PLAC1: variants seen among roughly 807,000 people sequenced by gnomAD.
The protein encoded by PLAC1 is placenta-specific protein 1.
For synonymous variants in PLAC1, 68 were observed against 62.1 expected, an observed-to-expected ratio of 1.09 and a Z score of -0.44; for missense variants, 136 against 163.2, an observed-to-expected ratio of 0.83 and a Z score of 0.91.
At chrX:134,597,233 C>T (rs1267242090) in intron 2 of PLAC1, among the ~76,000 whole-genome samples, 3 of 111,432 alleles carry the variant, frequency 2.7e-5, no homozygotes, top group Non-Finnish European at 5.7e-5. Context: ...TACTCAAGTT[C>T]ACCGATTTTT....
chrX:134,639,733 T>C (rs1394250257), intron 1 of PLAC1, among the ~76,000 whole-genome samples: 3 of 111,661 alleles, frequency 2.7e-5, no homozygotes, highest in Non-Finnish European at 5.6e-5. Context: ...AGCAGATTCT[T>C]CTCATTTCTC....
intron 1 of PLAC1, among the ~76,000 whole-genome samples, chrX:134,656,614 G>C (rs926825226): frequency 4.5e-5 from 5 of 111,103 alleles, no homozygotes; most frequent in African/African-American, 1.6e-4. Flanking sequence ...AGATGCGGTT[G>C]TGCTCTGTCC....
chrX:134,714,686 GTCTGTT>G (rs752739127), intron 2 of PLAC1, among the ~76,000 whole-genome samples: 293 of 110,581 alleles, frequency 2.6e-3, no homozygotes, highest in Non-Finnish European at 3.9e-3. Context: ...CCATTCTACT[GTCTGTT>G]TCTATGAATT....
chrX:134,747,987 G>A (rs963076756), intron 1 of PLAC1, among the ~76,000 whole-genome samples: 4 of 111,857 alleles, frequency 3.6e-5, no homozygotes, highest in Non-Finnish European at 7.5e-5. Context: ...CCTTAGATAC[G>A]CTAATGCCAG....
At chrX:134,589,118 A>G (rs781270193) in intron 2 of PLAC1, among the ~76,000 whole-genome samples, 12 of 111,271 alleles carry the variant, frequency 1.1e-4, no homozygotes, top group Non-Finnish European at 1.9e-4. Flanking sequence ...GAGGGCTCCA[A>G]TGTGAGTGAC....
At chrX:134,578,714 C>G (rs2077957880) in intron 2 of PLAC1, among the ~76,000 whole-genome samples, 1 of 107,284 alleles carries the variant, frequency 9.3e-6, no homozygotes, top group Non-Finnish European at 1.9e-5. Flanking sequence ...TCTCTGAAAG[C>G]CTGAACTGGG....
intron 1 of PLAC1, chrX:134,733,571 T>C (rs1219045576): frequency 9.0e-6 from 1 of 111,573 alleles, no homozygotes; most frequent in Non-Finnish European, 1.9e-5. Flanking sequence ...GCACAGGCAG[T>C]ATGTGCCCCA....
intron 2 of PLAC1, among the ~76,000 whole-genome samples, chrX:134,724,481 A>T (rs2078667936): frequency 8.9e-6 from 1 of 112,514 alleles, no homozygotes. Flanking sequence ...GGATGCTCAC[A>T]TCTTCCTCAA....
chrX:134,690,710 A>T (rs1214635828), intron 2 of PLAC1, among the ~76,000 whole-genome samples: 2 of 107,424 alleles, frequency 1.9e-5, no homozygotes, highest in Admixed American at 2.1e-4. Context: ...AGGCGGGTGG[A>T]TCACGAGGTC....
intron 2 of PLAC1, among the ~76,000 whole-genome samples, chrX:134,573,378 T>C (rs951821749): frequency 9.0e-6 from 1 of 111,483 alleles, no homozygotes; most frequent in African/African-American, 3.3e-5. Flanking sequence ...AGCCCCAGAG[T>C]CCCTTCTCAT....
intron 1 of PLAC1, among the ~76,000 whole-genome samples, chrX:134,757,130 A>G (rs1329613750): frequency 8.9e-6 from 1 of 112,755 alleles, no homozygotes; most frequent in Admixed American, 9.4e-5. Context: ...ATTATAATGA[A>G]TGCTAAAACT....
At chrX:134,568,440 G>A (rs1026560749) in intron 2 of PLAC1, among the ~76,000 whole-genome samples, 1 of 112,139 alleles carries the variant, frequency 8.9e-6, no homozygotes, top group Non-Finnish European at 1.9e-5. Flanking sequence ...CTAGAAAAAC[G>A]CACTGGCCTG....
At chrX:134,592,762 C>T (rs113439906) in intron 2 of PLAC1, among the ~76,000 whole-genome samples, 3,403 of 92,563 alleles carry the variant, frequency 0.037, 80 homozygotes, top group Middle Eastern at 0.061. Context: ...CTCGCTCTGT[C>T]GCCCAGGCTG....
intron 1 of PLAC1, among the ~76,000 whole-genome samples, chrX:134,746,708 C>T (rs964686610): frequency 1.3e-4 from 15 of 111,571 alleles, no homozygotes; most frequent in African/African-American, 4.6e-4. Context: ...ATCTCAGCGT[C>T]GAGACTGCCA....
intron 2 of PLAC1, among the ~76,000 whole-genome samples, chrX:134,579,564 A>G (rs138796576): frequency 0.011 from 1,203 of 111,355 alleles, 19 homozygotes; most frequent in African/African-American, 0.038. Flanking sequence ...TGTGGGAGCA[A>G]TTTCCCATGC....
At chrX:134,690,099 G>A (rs2078531146) in intron 2 of PLAC1, among the ~76,000 whole-genome samples, 1 of 111,664 alleles carries the variant, frequency 9.0e-6, no homozygotes, top group African/African-American at 3.3e-5. Context: ...TATCTCATAT[G>A]AGTGAGATCC....
At chrX:134,574,676 T>A (rs145635468) in intron 2 of PLAC1, among the ~76,000 whole-genome samples, 1,703 of 111,772 alleles carry the variant, frequency 0.015, 27 homozygotes, top group African/African-American at 0.052. Flanking sequence ...CTGTGATAAG[T>A]CGTCCTCTGG....
At chrX:134,758,643 T>G (rs1435772152) in intron 1 of PLAC1, among the ~76,000 whole-genome samples, 1 of 111,563 alleles carries the variant, frequency 9.0e-6, no homozygotes, top group African/African-American at 3.3e-5. Context: ...AAAAATCGAC[T>G]CAAAATGGAT....
chrX:134,722,613 T>C (rs2078661443), intron 2 of PLAC1, among the ~76,000 whole-genome samples: 1 of 111,846 alleles, frequency 8.9e-6, no homozygotes, highest in Non-Finnish European at 1.9e-5. Context: ...GTGATGGTTT[T>C]ACAACTTTCT....
Sources: allele counts gnomAD v4.1 joint callset (sites outside exome capture counted in the v4.1 genomes callset), GRCh38; gene constraint gnomAD v4.1.1; transcripts MANE v1.5; gene names NCBI Gene and HGNC (gene_info 2026-07-23, HGNC 2026-07-21).